ZFP69: variants seen among roughly 807,000 people sequenced by gnomAD.
The protein encoded by ZFP69 is zinc finger protein 69 homolog.
A neutral mutation model predicts 48.9 loss-of-function variants in ZFP69; 35 were observed. The observed-to-expected ratio is 0.72, with a 90% CI of 0.55 to 0.95. The LOEUF (loss-of-function observed/expected upper bound fraction) is 0.95. Ranked by LOEUF, ZFP69 falls within the 40% of genes least tolerant of loss-of-function variation. The pLI, the probability that ZFP69 is intolerant of heterozygous loss-of-function variation, is 0.00. For synonymous variants in ZFP69, 193 were observed against 216.8 expected, an observed-to-expected ratio of 0.89 and a Z score of 0.96; for missense variants, 557 against 638.4, an observed-to-expected ratio of 0.87 and a Z score of 1.37.
rs56706952 is a variant in ZFP69 at position 40,483,226 on chromosome 1, A to ATTTTTTTTTTTTTTTT, written c.219+1377_219+1392dup. Among the ~76,000 whole-genome samples the ATTTTTTTTTTTTTTTT allele has an allele frequency of 9.8e-4, 115 of 116,944 alleles. 6 individuals are homozygous for ATTTTTTTTTTTTTTTT. The highest frequency in any genetic ancestry group is 3.9e-3 in the African/African-American group (107 of 27,248). 76.7% of individuals were successfully genotyped at this position (116,944 alleles called of 152,430 possible). On this transcript the variant is annotated intron_variant, in intron 3 of 5. Transcript: ENST00000372706. ...AAAATCAAACCATACACCTTTTTTA[A>ATTTTTTTTTTTTTTTT]TTTTTTTTTTTTTTTTTTTTAGAGA...
At position 40,480,036 on chromosome 1, in the gene ZFP69, G is replaced by A. The variant is rs1570012978; in HGVS notation, c.127+548G>A. Among the ~76,000 whole-genome samples the A allele has an allele frequency of 3.9e-5, 6 of 152,262 alleles. No individual in the cohort carries two copies. The South Asian group carries it at 1.2e-3, about 32-fold the overall frequency. ...TGGAGGAAGTCATGTGTCTCATGTG[G>A]TGTTTTAATTCATACCTTTAATGCT... On this transcript the variant is annotated intron_variant, in intron 2 of 5. Coordinates refer to ENST00000372706, the MANE Select transcript of ZFP69 (RefSeq NM_001320179.2).
intron 3 of ZFP69, among the ~76,000 whole-genome samples, chr1:40,483,181 T>C (rs1321046297): frequency 6.6e-6 from 1 of 151,614 alleles, no homozygotes; most frequent in Non-Finnish European, 1.5e-5. Flanking sequence ...CTATCTTGAT[T>C]ACATTATGTT....
rs1645633031 is a variant in ZFP69 at position 40,496,085 on chromosome 1, A to C, written c.*26A>C. On this transcript the variant is annotated 3_prime_UTR_variant, in exon 6 of 6. Coordinates refer to ENST00000372706, the MANE Select transcript of ZFP69 (RefSeq NM_001320179.2). ...AAACAGATATTTGACTTGAGAACAA[A>C]AGCCAAGTGTAAATTGGTGATTTAG... is the stretch of plus-strand genomic sequence containing the variant. The C allele has an allele frequency of 1.3e-6, 2 of 1,532,978 alleles. No homozygotes were observed. The highest frequency in any genetic ancestry group is 1.7e-6 in the Non-Finnish European group (2 of 1,143,304). The allele number at this position is 1,532,978 out of a possible 1,614,324, so 95.0% of individuals were successfully genotyped here.
intron 5 of ZFP69, among the ~76,000 whole-genome samples, chr1:40,494,255 A>ATT (rs1645598717): frequency 1.8e-4 from 22 of 123,870 alleles, no homozygotes; most frequent in Admixed American, 2.8e-4. Context: ...AAAGATTCAA[A>ATT]ATTTTTTTTT....
At chr1:40,478,122 T>TCACACACACA (rs5773698) in intron 1 of ZFP69, among the ~76,000 whole-genome samples, 3,851 of 147,170 alleles carry the variant, frequency 0.026, 83 homozygotes, top group African/African-American at 0.064. Flanking sequence ...CTGCATATAG[T>TCACACACACA]CACACACACA....
intron 3 of ZFP69, among the ~76,000 whole-genome samples, chr1:40,487,685 T>A (rs928018898): frequency 1.3e-5 from 2 of 152,210 alleles, no homozygotes; most frequent in Non-Finnish European, 2.9e-5. Context: ...TACTTAAAAT[T>A]CAGTGTGATG....
At position 40,494,991 on chromosome 1, in the gene ZFP69, T is replaced by C. The variant is rs1342930026; in HGVS notation, c.513T>C (p.His171=). The C allele has an allele frequency of 1.2e-6, 2 of 1,613,976 alleles. No homozygotes were observed. Among genetic ancestry groups the C allele is most frequent in the Middle Eastern group, 1.7e-4 (1 of 6,058 alleles). Residue 171 remains histidine, a synonymous_variant, in exon 6 of 6, where the codon CAT becomes CAC. Transcript: ENST00000372706. ...KSTISQERLY[H]GIMMESFMRD... is the part of the protein sequence containing the mutation. Reference sequence around the variant, plus strand: ...CCATTTCACAGGAGCGCTTATATCATGGCATTATGATGGAAAGTTTCATGA... The same window carrying C: ...CCATTTCACAGGAGCGCTTATATCACGGCATTATGATGGAAAGTTTCATGA...
chr1:40,495,690 T>C lies in ZFP69; in HGVS notation c.1212T>C (p.Ile404=). 1 of 1,614,172 alleles carries C rather than the reference T, an allele frequency of 6.2e-7. No homozygotes were observed. Among genetic ancestry groups the C allele is most frequent in the South Asian group, 1.1e-5 (1 of 91,088 alleles). ...QIRHLSEHIR[I]HTGEKPYACT... ...GACACCTTAGTGAACATATAAGAAT[T>C]CATACCGGGGAGAAGCCCTATGCAT... The change falls in exon 6 of 6, where the codon ATT becomes ATC. Residue 404 remains isoleucine (I), a synonymous_variant. Coordinates refer to ENST00000372706, the MANE Select transcript of ZFP69 (RefSeq NM_001320179.2).
chr1:40,493,594 G>A (rs1036819290), intron 5 of ZFP69: 5 of 151,744 alleles, frequency 3.3e-5, no homozygotes, highest in Non-Finnish European at 7.4e-5. Context: ...CTCATGCTCG[G>A]ATACTGAATT....
At chr1:40,481,976 C>A in intron 3 of ZFP69, 122 bp downstream of exon 3, 2 of 566,556 alleles carry the variant, frequency 3.5e-6, no homozygotes, top group South Asian at 4.7e-5. Context: ...ACAAATTCAA[C>A]CTAAGGAGCT....
chr1:40,489,591 G>A lies in ZFP69; in HGVS notation c.409G>A (p.Ala137Thr), dbSNP rs1418538152. The A allele has an allele frequency of 1.2e-6, 2 of 1,613,722 alleles. No homozygotes were observed. Among genetic ancestry groups the A allele is most frequent in the East Asian group, 4.5e-5 (2 of 44,874 alleles). Residue 137 changes from alanine (A) to threonine (T), a missense_variant, in exon 5 of 6, where the codon GCA (alanine) becomes ACA (threonine). By Grantham distance (58) the Ala-to-Thr change is moderately conservative (BLOSUM62 0). Transcript: ENST00000372706. The stretch of plus-strand genomic sequence containing the variant: ...AGAGAAAGGAGAAGAGCCATGGATG[G>A]CAGAGAAAGAAGGCCCAGGAGATCC... ...QLEKGEEPWM[A>T]EKEGPGDPSS...
intron 3 of ZFP69, among the ~76,000 whole-genome samples, chr1:40,485,901 T>C (rs1195071936): frequency 6.6e-6 from 1 of 152,036 alleles, no homozygotes; most frequent in Non-Finnish European, 1.5e-5. Flanking sequence ...GTGTGATTTG[T>C]TGTTGTTGTT....
At chr1:40,494,680 T>G (rs1389779289) in intron 5 of ZFP69, among the ~76,000 whole-genome samples, 1 of 146,476 alleles carries the variant, frequency 6.8e-6, no homozygotes, top group Non-Finnish European at 1.5e-5. Flanking sequence ...TTTATAAATA[T>G]TTGGTATATA....
At chr1:40,482,997 C>T (rs7534068) in intron 3 of ZFP69, among the ~76,000 whole-genome samples, 70,246 of 151,868 alleles carry the variant, frequency 0.46, 17,425 homozygotes, top group African/African-American at 0.62. Context: ...TTAACACTTA[C>T]GGAACACTAC....
chr1:40,495,440 A>G lies in ZFP69; in HGVS notation c.962A>G (p.His321Arg), dbSNP rs148842734. 2.5e-6 allele frequency: 4 copies of G among 1,614,092 alleles called. No individual in the cohort carries two copies. In the African/African-American group the frequency reaches 4.0e-5, roughly 16 times the overall value. Residue 321 changes from histidine to arginine, a missense_variant, in exon 6 of 6, where the codon CAT (histidine) becomes CGT (arginine). By Grantham distance (29) the His-to-Arg change is conservative. Coordinates refer to ENST00000372706, the MANE Select transcript of ZFP69 (RefSeq NM_001320179.2). Reference sequence around the variant, plus strand: ...TCCCTCAGTACACACCAGAGAATCCATACTGGTGAGAAACCCTTTGAATGT... The same window carrying G: ...TCCCTCAGTACACACCAGAGAATCCGTACTGGTGAGAAACCCTTTGAATGT... ...SASLSTHQRI[H>R]TGEKPFECEE...
intron 3 of ZFP69, among the ~76,000 whole-genome samples, chr1:40,488,486 T>C (rs1012264356): frequency 6.6e-6 from 1 of 152,234 alleles, no homozygotes; most frequent in Non-Finnish European, 1.5e-5. Context: ...CACAGGTCTT[T>C]GTGACAATAA....
intron 5 of ZFP69, among the ~76,000 whole-genome samples, chr1:40,492,198 G>A (rs1244734132): frequency 6.6e-6 from 1 of 152,060 alleles, no homozygotes; most frequent in African/African-American, 2.4e-5. Context: ...TATCATATAT[G>A]TGGATCATAC....
intron 3 of ZFP69, among the ~76,000 whole-genome samples, chr1:40,487,038 C>T (rs1317510194): frequency 6.6e-6 from 1 of 151,650 alleles, no homozygotes. Context: ...GATTCTTCTG[C>T]CTCAGCCTTC....
chr1:40,496,186 A>AT lies in ZFP69; in HGVS notation c.*128dup. On this transcript the variant is annotated 3_prime_UTR_variant, in exon 6 of 6. Coordinates refer to ENST00000372706, the MANE Select transcript of ZFP69 (RefSeq NM_001320179.2). Reference sequence around the variant, plus strand: ...CAACTTTTAATTTTTCCCATTGTAAATAAACATTACATTGACAGGTATTGA... The same window carrying AT: ...CAACTTTTAATTTTTCCCATTGTAAATTAAACATTACATTGACAGGTATTGA... The AT allele has an allele frequency of 1.0e-6, 1 of 990,698 alleles. No individual in the cohort carries two copies. The highest frequency in any genetic ancestry group is 1.4e-6 in the Non-Finnish European group (1 of 691,610). 61.4% of individuals were successfully genotyped at this position (990,698 alleles called of 1,614,324 possible). A position where few individuals can be genotyped will look rare whatever the true frequency, so the allele number is the denominator to read the frequency against.
Sources: gnomAD v4.1 joint callset for allele counts (sites outside exome capture counted in the v4.1 genomes callset) on GRCh38, gnomAD v4.1.1 for gene constraint, MANE v1.5 for transcripts, NCBI Gene and HGNC (gene_info 2026-07-23, HGNC 2026-07-21) for gene names.